The following ZNF385B variants were observed in gnomAD, a reference collection of about 807,000 sequenced individuals.
ZNF385B encodes zinc finger protein 533.
A neutral mutation model predicts 39.2 loss-of-function variants in ZNF385B; 23 were observed. That is an observed-to-expected ratio of 0.59 (90% CI 0.42 to 0.83). The LOEUF is 0.83. Ranked by LOEUF, ZNF385B falls within the 40% of genes least tolerant of loss-of-function variation. The probability of loss-of-function intolerance (pLI) is 0.00; values close to 1 mark genes in which losing one functional copy is unlikely to be tolerated. For missense variants in ZNF385B, 552 were observed against 598.9 expected (o/e 0.92, Z 0.82); for synonymous variants, 205 against 222.6 (o/e 0.92, Z 0.70).
intron 5 of ZNF385B, among the ~76,000 whole-genome samples, chr2:179,504,244 TA>T (rs1658717424): frequency 6.6e-6 from 1 of 152,206 alleles, no homozygotes; most frequent in Admixed American, 6.5e-5. Context: ...CCATGGTGTA[TA>T]TGTGCCACAT....
intron 3 of ZNF385B, among the ~76,000 whole-genome samples, chr2:179,725,904 G>T (rs1700979954): frequency 9.6e-6 from 1 of 104,666 alleles, no homozygotes; most frequent in African/African-American, 5.6e-5. Context: ...ATATGTGTTT[G>T]TGTGTGTATA....
chr2:179,707,762 C>A (rs1699723022), intron 3 of ZNF385B, among the ~76,000 whole-genome samples: 1 of 152,236 alleles, frequency 6.6e-6, no homozygotes, highest in Admixed American at 6.5e-5. Context: ...AAGGAGACAG[C>A]TAAAGGATCC....
chr2:179,698,844 A>G (rs1698959822), intron 3 of ZNF385B, among the ~76,000 whole-genome samples: 1 of 152,178 alleles, frequency 6.6e-6, no homozygotes, highest in Non-Finnish European at 1.5e-5. Flanking sequence ...CAACCATTAC[A>G]TTAAACTACA....
intron 5 of ZNF385B, among the ~76,000 whole-genome samples, chr2:179,513,361 A>C (rs548660414): frequency 8.5e-4 from 129 of 152,354 alleles, no homozygotes; most frequent in Non-Finnish European, 4.9e-4. Context: ...TACTGCCCAG[A>C]GTCTAAGAAT....
At chr2:179,657,429 G>T (rs191604965) in intron 3 of ZNF385B, among the ~76,000 whole-genome samples, 5 of 152,300 alleles carry the variant, frequency 3.3e-5, no homozygotes, top group Non-Finnish European at 5.9e-5. Flanking sequence ...TTTTAACTAA[G>T]ATATGAATAG....
chr2:179,737,241 C>T (rs1314056315), intron 3 of ZNF385B, among the ~76,000 whole-genome samples: 1 of 152,144 alleles, frequency 6.6e-6, no homozygotes, highest in African/African-American at 2.4e-5. Flanking sequence ...AGTCACTTAC[C>T]TTTTTGATGA....
intron 1 of ZNF385B, among the ~76,000 whole-genome samples, chr2:179,843,123 C>T (rs1708626012): frequency 6.6e-6 from 1 of 152,126 alleles, no homozygotes; most frequent in Non-Finnish European, 1.5e-5. Context: ...GTTTACCTTC[C>T]CAAAGGTCTC....
intron 1 of ZNF385B, among the ~76,000 whole-genome samples, chr2:179,799,817 A>G (rs1401389033): frequency 1.3e-5 from 2 of 152,104 alleles, no homozygotes; most frequent in African/African-American, 4.8e-5. Context: ...CCAATCTCAA[A>G]GTTTTAATTT....
rs565633978 is a variant in ZNF385B, at chr2:179,672,189, T to A, written c.298+97314A>T. ...ATTATTCTTGAGCCTTAAGATTTTG[T>A]TCTCACTCAGAATTTATCACTTATT... On this transcript the variant is annotated intron_variant, in intron 3 of 9. Coordinates refer to ENST00000410066, the MANE Select transcript of ZNF385B (RefSeq NM_152520.6). 6.6e-5 allele frequency among the ~76,000 whole-genome samples: 10 copies of A among 152,362 alleles called. No individual in the cohort carries two copies. The South Asian group carries it at 2.1e-3, about 32-fold the overall frequency.
At chr2:179,586,808 G>A (rs550652761) in intron 3 of ZNF385B, among the ~76,000 whole-genome samples, 4 of 152,326 alleles carry the variant, frequency 2.6e-5, no homozygotes, top group African/African-American at 9.6e-5. Flanking sequence ...GGAGGCCGAG[G>A]CGGGCGGATC....
chr2:179,618,166 G>A (rs951424), intron 3 of ZNF385B, among the ~76,000 whole-genome samples: 33,340 of 152,042 alleles, frequency 0.22, 3,823 homozygotes, highest in South Asian at 0.3. Context: ...GCCTTATCAA[G>A]GAAGAATAAA....
At chr2:179,557,494 T>C (rs990399756) in intron 3 of ZNF385B, among the ~76,000 whole-genome samples, 2 of 150,468 alleles carry the variant, frequency 1.3e-5, no homozygotes, top group Non-Finnish European at 3.0e-5. Flanking sequence ...ATAAAACATA[T>C]GTGTATATAA....
intron 5 of ZNF385B, among the ~76,000 whole-genome samples, chr2:179,513,201 T>G (rs952868780): frequency 3.9e-5 from 6 of 152,128 alleles, no homozygotes; most frequent in African/African-American, 1.4e-4. Context: ...CATTAAAATG[T>G]AAATAGGGTA....
intron 3 of ZNF385B, among the ~76,000 whole-genome samples, chr2:179,622,195 C>A (rs1441319993): frequency 6.6e-6 from 1 of 152,142 alleles, no homozygotes; most frequent in Non-Finnish European, 1.5e-5. Flanking sequence ...AGGCCTATGA[C>A]TAGAAATGAA....
At chr2:179,720,925 GTTT>G (rs56131510) in intron 3 of ZNF385B, among the ~76,000 whole-genome samples, 1 of 70,132 alleles carries the variant, frequency 1.4e-5, no homozygotes. Context: ...ATGCCTGGCT[GTTT>G]TTTTTTTTTT....
At chr2:179,761,910 T>G (rs985961417) in intron 3 of ZNF385B, among the ~76,000 whole-genome samples, 2 of 151,880 alleles carry the variant, frequency 1.3e-5, no homozygotes, top group Admixed American at 6.6e-5. Flanking sequence ...CTTGCCTTAT[T>G]ATAATGGCTA....
intron 3 of ZNF385B, among the ~76,000 whole-genome samples, chr2:179,553,427 AAAT>A (rs997105785): frequency 5.4e-5 from 8 of 149,410 alleles, no homozygotes; most frequent in South Asian, 2.1e-4. Flanking sequence ...TAAGATAAGA[AAAT>A]AATAATAACA....
chr2:179,452,268 C>G lies in ZNF385B; in HGVS notation c.716-5498G>C, dbSNP rs887094990. ...TTTGATACTCCTTTTATGTCCACTT[C>G]ATAAGCCATGTAAAGAAAACCAGTC... On this transcript the variant is annotated intron_variant, in intron 6 of 9. Transcript: ENST00000410066. Among the ~76,000 whole-genome samples the G allele has an allele frequency of 2.6e-5, 4 of 152,272 alleles. No individual in the cohort carries two copies. In the East Asian group the frequency reaches 7.7e-4, roughly 29 times the overall value.
At chr2:179,452,169 A>C (rs1412093591) in intron 6 of ZNF385B, among the ~76,000 whole-genome samples, 2 of 152,168 alleles carry the variant, frequency 1.3e-5, no homozygotes, top group East Asian at 3.8e-4. Flanking sequence ...TTATTTCTTC[A>C]AAGTAGTGTC....
Sources: gnomAD v4.1 joint callset for allele counts (sites outside exome capture counted in the v4.1 genomes callset) on GRCh38, gnomAD v4.1.1 for gene constraint, MANE v1.5 for transcripts, NCBI Gene and HGNC (gene_info 2026-07-23, HGNC 2026-07-21) for gene names.